Variants in MAP2K5 observed in about 807,000 individuals in gnomAD.
MAP2K5 encodes mitogen-activated protein kinase kinase 5.
A neutral mutation model predicts 83.1 loss-of-function variants in MAP2K5; 49 were observed. The ratio of observed to expected loss-of-function variants is 0.59; its 90% CI spans 0.47 to 0.75. The LOEUF (loss-of-function observed/expected upper bound fraction) is 0.75, where lower values mean the gene tolerates loss of function less well. Ranked by LOEUF, MAP2K5 falls within the 30% of genes least tolerant of loss-of-function variation. The pLI, the probability that MAP2K5 is intolerant of heterozygous loss-of-function variation, is 0.00. For missense variants in MAP2K5, 457 were observed against 557.5 expected (o/e 0.82, Z 1.82); for synonymous variants, 202 against 191.8 (o/e 1.05, Z -0.44).
At chr15:67,753,256 T>C (rs897681950) in intron 19 of MAP2K5, among the ~76,000 whole-genome samples, 2 of 152,122 alleles carry the variant, frequency 1.3e-5, no homozygotes, top group Admixed American at 1.3e-4. Context: ...AAAGGAAACA[T>C]AGATGTAAAT....
chr15:67,643,282 C>T (rs1357848173), intron 9 of MAP2K5, among the ~76,000 whole-genome samples: 3 of 152,054 alleles, frequency 2.0e-5, no homozygotes, highest in Admixed American at 2.0e-4. Flanking sequence ...TGAACTGATG[C>T]TAGATGAATT....
In MAP2K5 at chr15:67,777,391, G is replaced by A. The variant is rs1566961044; in HGVS notation, c.1242+4639G>A. 6.6e-6 allele frequency among the ~76,000 whole-genome samples: 1 copy of A among 152,152 alleles called. No individual in the cohort carries two copies. Among genetic ancestry groups the A allele is most frequent in the Non-Finnish European group, 1.5e-5 (1 of 68,026 alleles). ...CTAAGCTCTATTTAATGGAATCTAT[G>A]CATAGTAAGTAATCAGGTCAGAAGA... On this transcript the variant is annotated intron_variant, in intron 21 of 21. Transcript: ENST00000178640. This position sits in a 1 kb window ranked among gnomAD's most constrained non-coding sequence, Gnocchi z 6.0.
rs2087347264 is a variant in MAP2K5 at position 67,665,221 on chromosome 15, GA to G, written c.847+578del. Among the ~76,000 whole-genome samples the G allele has an allele frequency of 6.6e-6, 1 of 152,070 alleles. No individual in the cohort carries two copies. Among genetic ancestry groups the G allele is most frequent in the African/African-American group, 2.4e-5 (1 of 41,410 alleles). On this transcript the variant is annotated intron_variant, in intron 13 of 21. Transcript: ENST00000178640. This position sits in a 1 kb window ranked among gnomAD's most constrained non-coding sequence, Gnocchi z 4.2. Reference sequence around the variant, plus strand: ...AATAAGTTATTGGTGAAAGCATCAGGAATAGTCCCCTTGTCTAGTAACAGAA... The same window carrying G: ...AATAAGTTATTGGTGAAAGCATCAGGATAGTCCCCTTGTCTAGTAACAGAA...
intron 16 of MAP2K5, among the ~76,000 whole-genome samples, chr15:67,704,438 T>C (rs2088501055): frequency 6.6e-6 from 1 of 152,228 alleles, no homozygotes; most frequent in South Asian, 2.1e-4. Context: ...AATAATATCA[T>C]AGATAGAGTT....
At chr15:67,672,390 G>C (rs1357165394) in intron 13 of MAP2K5, among the ~76,000 whole-genome samples, 7 of 151,970 alleles carry the variant, frequency 4.6e-5, no homozygotes, top group South Asian at 4.2e-4. Context: ...TTGTGGTTTT[G>C]ATTTGCATTT....
intron 8 of MAP2K5, among the ~76,000 whole-genome samples, chr15:67,605,561 A>G (rs186727915): frequency 2.0e-5 from 3 of 152,288 alleles, no homozygotes; most frequent in African/African-American, 7.2e-5. Flanking sequence ...ATTTATTTTC[A>G]GATTGCTATA....
intron 11 of MAP2K5, among the ~76,000 whole-genome samples, chr15:67,647,368 GGA>G (rs1162928157): frequency 6.6e-6 from 1 of 152,116 alleles, no homozygotes; most frequent in Non-Finnish European, 1.5e-5. Flanking sequence ...CAGAAAAAGT[GGA>G]TTCATTGAGC....
rs879219010 is a variant in MAP2K5, at chr15:67,638,511, C to T, written c.585+7584C>T. On this transcript the variant is annotated intron_variant, in intron 9 of 21. Coordinates refer to ENST00000178640, the MANE Select transcript of MAP2K5 (RefSeq NM_145160.3). This position sits in a 1 kb window ranked among gnomAD's most constrained non-coding sequence, Gnocchi z 4.5. The stretch of plus-strand genomic sequence containing the variant: ...GGTTGATTCCATGTCTTTGCTATTG[C>T]GAATAGTGCTGCAATGACCATTTGC... Among the ~76,000 whole-genome samples the T allele has an allele frequency of 2.0e-5, 3 of 152,026 alleles. No individual in the cohort carries two copies. The highest frequency in any genetic ancestry group is 4.4e-5 in the Non-Finnish European group (3 of 67,984).
At position 67,644,834 on chromosome 15, in the gene MAP2K5, A is replaced by C. The variant is rs2086794594; in HGVS notation, c.586-1397A>C. On this transcript the variant is annotated intron_variant, in intron 9 of 21. Transcript: ENST00000178640. This position sits in a 1 kb window ranked among gnomAD's most constrained non-coding sequence, Gnocchi z 4.6. The stretch of plus-strand genomic sequence containing the variant: ...ATTTTTAAAATTCCTTATTTCTCTC[A>C]TAACTAAAAACCCCACTTAAAATGT... Among the ~76,000 whole-genome samples, 1 of 152,198 alleles carries C rather than the reference A, an allele frequency of 6.6e-6. No individual in the cohort carries two copies. Among genetic ancestry groups the C allele is most frequent in the African/African-American group, 2.4e-5 (1 of 41,446 alleles).
chr15:67,542,966 G>T lies in MAP2K5; in HGVS notation c.-370G>T, dbSNP rs1181777768. 1.2e-5 allele frequency: 3 copies of T among 247,356 alleles called. No individual in the cohort carries two copies. Among genetic ancestry groups the T allele is most frequent in the Non-Finnish European group, 2.4e-5 (3 of 124,704 alleles). The allele number at this position is 247,356 out of a possible 1,614,324, so 15.3% of individuals were successfully genotyped here. On this transcript the variant is annotated 5_prime_UTR_variant, in exon 1 of 22. Transcript: ENST00000178640. Reference sequence around the variant, plus strand: ...CACTGACGAGCGGTGGACACCTGCCGCTGTATCTCCCCCAAACCGAGTCCT... The same window carrying T: ...CACTGACGAGCGGTGGACACCTGCCTCTGTATCTCCCCCAAACCGAGTCCT...
At chr15:67,695,056 C>G (rs1215193997) in intron 15 of MAP2K5, among the ~76,000 whole-genome samples, 1 of 145,128 alleles carries the variant, frequency 6.9e-6, no homozygotes, top group Non-Finnish European at 1.5e-5. Context: ...GGGAATTGAA[C>G]AATGAGAACA....
At chr15:67,544,768 C>G (rs1474467369) in intron 1 of MAP2K5, among the ~76,000 whole-genome samples, 1 of 152,124 alleles carries the variant, frequency 6.6e-6, no homozygotes, top group Non-Finnish European at 1.5e-5. Flanking sequence ...TTTTCATTGT[C>G]TTGGGTAACT....
chr15:67,551,470 C>T (rs187191651), intron 2 of MAP2K5, among the ~76,000 whole-genome samples: 17 of 152,218 alleles, frequency 1.1e-4, no homozygotes, highest in African/African-American at 4.1e-4. Flanking sequence ...GTAACTGGGA[C>T]TACACGCATG....
chr15:67,737,971 C>T (rs1304576973), intron 17 of MAP2K5, among the ~76,000 whole-genome samples: 2 of 148,160 alleles, frequency 1.3e-5, no homozygotes, highest in Admixed American at 6.9e-5. Flanking sequence ...CCTGCCTCAG[C>T]CTCCCGAGTA....
In MAP2K5 at chr15:67,708,740, A is replaced by G. The variant is rs1452839206; in HGVS notation, c.1044+5332A>G. On this transcript the variant is annotated intron_variant, in intron 16 of 21. Coordinates refer to ENST00000178640, the MANE Select transcript of MAP2K5 (RefSeq NM_145160.3). The surrounding 1 kb of genome is among the most constrained non-coding windows in gnomAD (Gnocchi z 4.9). ...GTCACAGCCCCCATGGGGAGTCATA[A>G]AAAGGCCTCTTGCCACACTCTTTCA... 6.6e-6 allele frequency among the ~76,000 whole-genome samples: 1 copy of G among 151,614 alleles called. No homozygotes were observed. The highest frequency in any genetic ancestry group is 1.9e-4 in the East Asian group (1 of 5,156).
rs1204803130 is a variant in MAP2K5 at position 67,779,848 on chromosome 15, T to G, written c.1242+7096T>G. 6.6e-6 allele frequency among the ~76,000 whole-genome samples: 1 copy of G among 152,206 alleles called. No individual in the cohort carries two copies. Among genetic ancestry groups the G allele is most frequent in the African/African-American group, 2.4e-5 (1 of 41,448 alleles). ...GTGGATCAGTTGGGCTGCTCTTCAGTGCCGTGCCAGATTTGCGGCAGCGGG... is the reference window on the plus strand; with the variant it reads ...GTGGATCAGTTGGGCTGCTCTTCAGGGCCGTGCCAGATTTGCGGCAGCGGG... On this transcript the variant is annotated intron_variant, in intron 21 of 21. Coordinates refer to ENST00000178640, the MANE Select transcript of MAP2K5 (RefSeq NM_145160.3). This position sits in a 1 kb window ranked among gnomAD's most constrained non-coding sequence, Gnocchi z 4.6.
rs1335430877 is a variant in MAP2K5 at position 67,676,955 on chromosome 15, T to C, written c.847+12310T>C. On this transcript the variant is annotated intron_variant, in intron 13 of 21. Transcript: ENST00000178640. The surrounding 1 kb of genome is among the most constrained non-coding windows in gnomAD (Gnocchi z 4.8). ...CTTAACTTCTTTGAGGTCATAGCAT[T>C]GTACCTGGCATATAACAGCTATTAT... Among the ~76,000 whole-genome samples the C allele has an allele frequency of 6.6e-6, 1 of 152,190 alleles. No individual in the cohort carries two copies. Among genetic ancestry groups the C allele is most frequent in the African/African-American group, 2.4e-5 (1 of 41,438 alleles).
chr15:67,784,764 A>G (rs375783674), intron 21 of MAP2K5, among the ~76,000 whole-genome samples: 9 of 152,238 alleles, frequency 5.9e-5, no homozygotes. Flanking sequence ...TCTGGTCACA[A>G]ACCTTTCTGC....
rs769023249 is a variant in MAP2K5, at chr15:67,778,777, C to T, written c.1242+6025C>T. Among the ~76,000 whole-genome samples the T allele has an allele frequency of 3.9e-5, 6 of 152,132 alleles. No individual in the cohort carries two copies. The highest frequency in any genetic ancestry group is 7.2e-5 in the African/African-American group (3 of 41,420). On this transcript the variant is annotated intron_variant, in intron 21 of 21. Transcript: ENST00000178640. This position sits in a 1 kb window ranked among gnomAD's most constrained non-coding sequence, Gnocchi z 5.0. ...TACTAAACATGCCAAAGATAAGTTT[C>T]GGTTTACTTTGATCCGGGGCTTACC...
Sources: allele counts gnomAD v4.1 joint callset (sites outside exome capture counted in the v4.1 genomes callset), GRCh38; gene constraint gnomAD v4.1.1; non-coding constraint Gnocchi (gnomAD v3.1); transcripts MANE v1.5; gene names NCBI Gene and HGNC (gene_info 2026-07-23, HGNC 2026-07-21).